The following USP6NL variants were observed in gnomAD, a reference collection of about 807,000 sequenced individuals.
The protein encoded by USP6NL is USP6 N-terminal-like protein.
Under a neutral mutation model 61.9 loss-of-function variants are expected in USP6NL, and 26 were observed. That is an observed-to-expected ratio of 0.42 (90% CI 0.31 to 0.58). The LOEUF (loss-of-function observed/expected upper bound fraction) is 0.58, where lower values mean the gene tolerates loss of function less well. Among genes scored for constraint, USP6NL ranks in the 20% least tolerant of loss-of-function variants. The pLI is 0.16. For synonymous variants in USP6NL, 432 were observed against 390.1 expected, an observed-to-expected ratio of 1.11 and a Z score of -1.27; for missense variants, 1,114 against 1,034.3, an observed-to-expected ratio of 1.08 and a Z score of -1.06.
intron 2 of USP6NL, among the ~76,000 whole-genome samples, chr10:11,541,054 T>C (rs910180526): frequency 1.3e-5 from 2 of 151,838 alleles, no homozygotes; most frequent in African/African-American, 4.8e-5. Context: ...AAGACACAGC[T>C]GCAATCCACA....
At position 11,521,105 on chromosome 10, in the gene USP6NL, G is replaced by A. The variant is rs191119521; in HGVS notation, c.156-2531C>T. Among the ~76,000 whole-genome samples the A allele has an allele frequency of 2.6e-5, 4 of 152,172 alleles. No homozygotes were observed. The East Asian group carries it at 7.7e-4, about 29-fold the overall frequency. On this transcript the variant is annotated intron_variant, in intron 4 of 14. Transcript: ENST00000609104. ...GTGCCTATAACCTCTCAACAGCTAG[G>A]TGGAGTATTTATGTTAACTATAAGA...
At position 11,496,674 on chromosome 10, in the gene USP6NL, C is replaced by T. The variant is rs1243316495; in HGVS notation, c.385-3446G>A. On this transcript the variant is annotated intron_variant, in intron 7 of 14. Coordinates refer to ENST00000609104, the MANE Select transcript of USP6NL (RefSeq NM_014688.5). The surrounding 1 kb of genome is among the most constrained non-coding windows in gnomAD (Gnocchi z 5.4). ...ACCTATTTACCATGTACTGGTAATACGGACTTCTGCTTGAATCAATTCCAA... is the reference window on the plus strand; with the variant it reads ...ACCTATTTACCATGTACTGGTAATATGGACTTCTGCTTGAATCAATTCCAA... 6.6e-6 allele frequency among the ~76,000 whole-genome samples: 1 copy of T among 152,012 alleles called. No homozygotes were observed. The highest frequency in any genetic ancestry group is 1.5e-5 in the Non-Finnish European group (1 of 68,010).
intron 14 of USP6NL, among the ~76,000 whole-genome samples, chr10:11,471,844 G>A (rs1173214618): frequency 2.0e-5 from 3 of 147,362 alleles, no homozygotes; most frequent in Non-Finnish European, 4.5e-5. Flanking sequence ...GGGGAGGGGG[G>A]GACAGCATTA....
intron 1 of USP6NL, among the ~76,000 whole-genome samples, chr10:11,604,061 C>G (rs1033536409): frequency 5.9e-5 from 9 of 152,140 alleles, no homozygotes; most frequent in African/African-American, 2.2e-4. Flanking sequence ...CTTCCCTGAC[C>G]CTCAGTTTCT....
At chr10:11,514,962 T>A (rs544249674) in intron 5 of USP6NL, among the ~76,000 whole-genome samples, 1 of 152,338 alleles carries the variant, frequency 6.6e-6, no homozygotes, top group South Asian at 2.1e-4. Flanking sequence ...CATGAGCTGT[T>A]TTCAGGGAAG....
chr10:11,494,322 C>G (rs1833822971), intron 7 of USP6NL, among the ~76,000 whole-genome samples: 1 of 152,172 alleles, frequency 6.6e-6, no homozygotes, highest in Admixed American at 6.5e-5. Context: ...TTTTTATCCA[C>G]AGGGTTGGGT....
chr10:11,591,360 C>T lies in USP6NL; in HGVS notation c.4+6271G>A, dbSNP rs1040446014. ...TAAAATTTATCTATATTATGCAATA[C>T]GTTGTAGATCTAAAAGAAAACGTTT... On this transcript the variant is annotated intron_variant, in intron 2 of 14. Coordinates refer to ENST00000609104, the MANE Select transcript of USP6NL (RefSeq NM_014688.5). The surrounding 1 kb of genome is among the most constrained non-coding windows in gnomAD (Gnocchi z 4.7). Among the ~76,000 whole-genome samples, 11 of 151,922 alleles carry T rather than the reference C, an allele frequency of 7.2e-5. No homozygotes were observed. Among genetic ancestry groups the T allele is most frequent in the African/African-American group, 2.2e-4 (9 of 41,334 alleles).
At chr10:11,609,104 G>A (rs1838796544) in intron 1 of USP6NL, among the ~76,000 whole-genome samples, 1 of 151,972 alleles carries the variant, frequency 6.6e-6, no homozygotes, top group Admixed American at 6.6e-5. Flanking sequence ...TCACTCTGTG[G>A]CCCAGGTTGG....
At chr10:11,466,736 C>T (rs1832470904) in intron 14 of USP6NL, among the ~76,000 whole-genome samples, 1 of 152,174 alleles carries the variant, frequency 6.6e-6, no homozygotes, top group South Asian at 2.1e-4. Context: ...ACCTAGATGG[C>T]ACAGCCTACT....
rs2133242885 is a variant in USP6NL, at chr10:11,486,013, G to A, written c.665-102C>T. ...CATTTGTAACTGTCAAAAATAAAAA[G>A]AAACATTCAGTAGTTACCAAAATAT... On this transcript the variant is annotated intron_variant, in intron 10 of 14. Coordinates refer to ENST00000609104, the MANE Select transcript of USP6NL (RefSeq NM_014688.5). 6 of 837,040 alleles carry A rather than the reference G, an allele frequency of 7.2e-6. No individual in the cohort carries two copies. The South Asian group carries it at 1.2e-4, about 17-fold the overall frequency. The allele number at this position is 837,040 out of a possible 1,614,324, so 51.9% of individuals were successfully genotyped here.
Position 11,598,871 on chromosome 10 carries a change from C to T in USP6NL, c.-83-1154G>A, listed in dbSNP as rs1366030938. ...TGAAAACAGACTGCATCAGCACTTA[C>T]GTGCCCAGCATGGCCCGCACACTGT... is the stretch of plus-strand genomic sequence containing the variant. On this transcript the variant is annotated intron_variant, in intron 1 of 14. Transcript: ENST00000609104. This position sits in a 1 kb window ranked among gnomAD's most constrained non-coding sequence, Gnocchi z 4.7. Among the ~76,000 whole-genome samples, 4 of 152,230 alleles carry T rather than the reference C, an allele frequency of 2.6e-5. No individual in the cohort carries two copies. The South Asian group carries it at 6.2e-4, about 24-fold the overall frequency.
chr10:11,466,369 T>C (rs1472638901), intron 14 of USP6NL, among the ~76,000 whole-genome samples: 1 of 152,156 alleles, frequency 6.6e-6, no homozygotes, highest in African/African-American at 2.4e-5. Context: ...TTAGAGACAA[T>C]GTTTCCCAAA....
In USP6NL at chr10:11,510,899, T is replaced by A. The variant is rs1027358203; in HGVS notation, c.196-1224A>T. Among the ~76,000 whole-genome samples the A allele has an allele frequency of 7.2e-5, 11 of 152,176 alleles. No homozygotes were observed. The highest frequency in any genetic ancestry group is 1.5e-4 in the Non-Finnish European group (10 of 68,030). Reference sequence around the variant, plus strand: ...AGGACGTACACTCTGAGCCACCACATCTCTGGCTCCCATCCTGTCCTCTGC... The same window carrying A: ...AGGACGTACACTCTGAGCCACCACAACTCTGGCTCCCATCCTGTCCTCTGC... On this transcript the variant is annotated intron_variant, in intron 5 of 14. Transcript: ENST00000609104. This position sits in a 1 kb window ranked among gnomAD's most constrained non-coding sequence, Gnocchi z 4.8.
At chr10:11,480,919 G>T (rs1028619307) in intron 14 of USP6NL, among the ~76,000 whole-genome samples, 3 of 152,158 alleles carry the variant, frequency 2.0e-5, no homozygotes, top group African/African-American at 7.2e-5. Flanking sequence ...TTTTTCTCAA[G>T]ACATACATGG....
At chr10:11,543,796 TATTTAGG>T (rs1430621060) in intron 2 of USP6NL, among the ~76,000 whole-genome samples, 2 of 142,106 alleles carry the variant, frequency 1.4e-5, no homozygotes, top group African/African-American at 2.6e-5. Flanking sequence ...TCCTGAAAAA[TATTTAGG>T]TTTTTTTTTT....
chr10:11,522,747 C>A (rs771186569), intron 4 of USP6NL, among the ~76,000 whole-genome samples: 2 of 152,202 alleles, frequency 1.3e-5, no homozygotes, highest in African/African-American at 4.8e-5. Flanking sequence ...AAACAGTATC[C>A]TTCTCTTTAG....
At chr10:11,593,244 G>A (rs1246412028) in intron 2 of USP6NL, among the ~76,000 whole-genome samples, 1 of 152,190 alleles carries the variant, frequency 6.6e-6, no homozygotes, top group Non-Finnish European at 1.5e-5. Context: ...AAATAAGCTA[G>A]TAAGTGTTTT....
At chr10:11,494,057 A>G (rs1833811913) in intron 7 of USP6NL, among the ~76,000 whole-genome samples, 1 of 152,220 alleles carries the variant, frequency 6.6e-6, no homozygotes, top group Admixed American at 6.5e-5. Flanking sequence ...GCTCCTGTGA[A>G]AGGCTATATG....
chr10:11,570,402 T>C (rs1009116672), intron 2 of USP6NL, among the ~76,000 whole-genome samples: 1 of 152,098 alleles, frequency 6.6e-6, no homozygotes, highest in African/African-American at 2.4e-5. Flanking sequence ...GGAATGAACG[T>C]GGAAATGGAA....
Sources: allele counts gnomAD v4.1 joint callset (sites outside exome capture counted in the v4.1 genomes callset), GRCh38; gene constraint gnomAD v4.1.1; non-coding constraint Gnocchi (gnomAD v3.1); transcripts MANE v1.5; gene names NCBI Gene and HGNC (gene_info 2026-07-23, HGNC 2026-07-21).